The following IGFN1 variants were observed in gnomAD, a reference collection of about 807,000 sequenced individuals.
The protein encoded by IGFN1 is immunoglobulin-like and fibronectin type III domain-containing protein 1.
IGFN1 carries 253 observed loss-of-function variants against 289.5 expected under a neutral mutation model. That is an observed-to-expected ratio of 0.87 (90% CI 0.79 to 0.97). The LOEUF (loss-of-function observed/expected upper bound fraction) is 0.97. Among genes scored for constraint, IGFN1 ranks in the 50% least tolerant of loss-of-function variants. The probability of loss-of-function intolerance (pLI) is 0.00; values close to 1 mark genes in which losing one functional copy is unlikely to be tolerated. For synonymous variants in IGFN1, 1,706 were observed against 1,788.5 expected, an observed-to-expected ratio of 0.95 and a Z score of 1.16; for missense variants, 4,470 against 4,686.1, an observed-to-expected ratio of 0.95 and a Z score of 1.35.
rs1418470953 is a variant in IGFN1, at chr1:201,212,362, T to A, written c.7469T>A (p.Val2490Asp). 1 of 1,536,762 alleles carries A rather than the reference T, an allele frequency of 6.5e-7. No homozygotes were observed. Among genetic ancestry groups the A allele is most frequent in the Admixed American group, 2.0e-5 (1 of 50,978 alleles). Reference protein sequence around the residue: ...EAAGAKGKPDVKEWQDSSGTP... With the variant: ...EAAGAKGKPDDKEWQDSSGTP... Reference sequence around the variant, plus strand: ...GCTGGTGCCAAGGGAAAACCAGATGTCAAAGAATGGCAAGACAGTTCTGGG... The same window carrying A: ...GCTGGTGCCAAGGGAAAACCAGATGACAAAGAATGGCAAGACAGTTCTGGG... The change falls in exon 12 of 24, where the codon GTC (valine) becomes GAC (aspartate). Residue 2490 changes from valine (V) to aspartate (D), a missense_variant. Val to Asp is a radical substitution (Grantham distance 152). Transcript: ENST00000335211.
chr1:201,194,133 C>A, intron 2 of IGFN1, 21 bp from the exon 3 acceptor site: 1 of 1,550,772 alleles, frequency 6.4e-7, no homozygotes, highest in Non-Finnish European at 8.7e-7. Context: ...GCCCCATCTC[C>A]TTCCCTCCTG....
At chr1:201,222,860 G>C in intron 20 of IGFN1, 33 bp downstream of exon 20, 1 of 1,492,788 alleles carries the variant, frequency 6.7e-7, no homozygotes. Flanking sequence ...GGGGAGGGAA[G>C]CCCAGAGAGG....
Position 201,208,277 on chromosome 1 carries a change from A to T in IGFN1, c.3384A>T (p.Arg1128Ser), listed in dbSNP as rs1234177290. 4 of 1,535,484 alleles carry T rather than the reference A, an allele frequency of 2.6e-6. No homozygotes were observed. Among genetic ancestry groups the T allele is most frequent in the Non-Finnish European group, 3.5e-6 (4 of 1,146,556 alleles). ...WGQTGNYGGF[R>S]ASEALGAFGE... ...AGACTGGAAATTATGGGGGCTTCAG[A>T]GCCTCAGAGGCCCTGGGGGCCTTTG... The change falls in exon 12 of 24, where the codon AGA (arginine) becomes AGT (serine). Residue 1128 changes from arginine (R) to serine (S), a missense_variant. This residue lies in a region of IGFN1 where 2,011 missense variants were observed against 1,953.4 expected (regional missense o/e 1.03). Transcript: ENST00000335211.
chr1:201,210,681 T>C lies in IGFN1; in HGVS notation c.5788T>C (p.Leu1930=), dbSNP rs753453506. ...SVNEAGYRKD[L]GAPEGMGSGS... ...GAATGAGGCAGGTTATAGGAAGGAT[T>C]TGGGGGCTCCTGAGGGAATGGGTTC... Residue 1930 remains leucine, a synonymous_variant, in exon 12 of 24, where the codon TTG becomes CTG. Transcript: ENST00000335211. 6.6e-7 allele frequency: 1 copy of C among 1,521,404 alleles called. No homozygotes were observed. The highest frequency in any genetic ancestry group is 8.8e-7 in the Non-Finnish European group (1 of 1,142,172). The allele number at this position is 1,521,404 out of a possible 1,614,324, so 94.2% of individuals were successfully genotyped here. A position where few individuals can be genotyped will look rare whatever the true frequency, so the allele number is the denominator to read the frequency against.
Position 201,210,516 on chromosome 1 carries a change from G to A in IGFN1, c.5623G>A (p.Ala1875Thr). ...AGGGAGCAAGGCAGATTTTAGGGATGCTTTAGGGAGTTCTGGGGAAATGGG... is the reference window on the plus strand; with the variant it reads ...AGGGAGCAAGGCAGATTTTAGGGATACTTTAGGGAGTTCTGGGGAAATGGG... ...GSGSKADFRD[A>T]LGSSGEMGSM... The change falls in exon 12 of 24, where the codon GCT (alanine) becomes ACT (threonine). Residue 1875 changes from alanine to threonine, a missense_variant. Physicochemically the swap from Ala to Thr is moderately conservative, Grantham distance 58. Coordinates refer to ENST00000335211, the MANE Select transcript of IGFN1 (RefSeq NM_001164586.2). The A allele has an allele frequency of 7.2e-7, 1 of 1,386,988 alleles. No homozygotes were observed. The highest frequency in any genetic ancestry group is 9.4e-7 in the Non-Finnish European group (1 of 1,059,450). 85.9% of individuals were successfully genotyped at this position (1,386,988 alleles called of 1,614,324 possible). A position where few individuals can be genotyped will look rare whatever the true frequency, so the allele number is the denominator to read the frequency against.
rs1317349621 is a variant in IGFN1, at chr1:201,207,026, C to T, written c.2133C>T (p.Tyr711=). Residue 711 remains tyrosine (Y), a synonymous_variant, in exon 12 of 24, where the codon TAC becomes TAT. Coordinates refer to ENST00000335211, the MANE Select transcript of IGFN1 (RefSeq NM_001164586.2). Reference sequence around the variant, plus strand: ...CTGACTATGGGGAAGCCAGGGGCTACTGGGGGTCAGGAGAGTTGCTAGAAC... The same window carrying T: ...CTGACTATGGGGAAGCCAGGGGCTATTGGGGGTCAGGAGAGTTGCTAGAAC... ...RDADYGEARG[Y]WGSGELLEQI... 9 of 1,536,590 alleles carry T rather than the reference C, an allele frequency of 5.9e-6. No homozygotes were observed. The highest frequency in any genetic ancestry group is 2.7e-5 in the African/African-American group (2 of 72,980).
In IGFN1 at chr1:201,215,768, TGGCC is replaced by T. The variant is rs1558154076; in HGVS notation, c.9226_9229del (p.Gly3076SerfsTer4). ...TCCCCAGCGCAGGCAGGAAGGACTG[TGGCC>T]AGTACAGCGTGACACTGAGGAGTGA... On this transcript the variant is annotated frameshift_variant, in exon 15 of 24. Coordinates refer to ENST00000335211, the MANE Select transcript of IGFN1 (RefSeq NM_001164586.2). LOFTEE classifies it high-confidence loss of function. 1 of 1,605,082 alleles carries T rather than the reference TGGCC, an allele frequency of 6.2e-7. No individual in the cohort carries two copies. Among genetic ancestry groups the T allele is most frequent in the Non-Finnish European group, 8.5e-7 (1 of 1,174,934 alleles).
rs1667837989 is a variant in IGFN1, at chr1:201,212,000, C to T, written c.7107C>T (p.Gly2369=). The T allele has an allele frequency of 4.6e-6, 7 of 1,535,888 alleles. No homozygotes were observed. Among genetic ancestry groups the T allele is most frequent in the Middle Eastern group, 1.7e-4 (1 of 5,984 alleles). The part of the protein sequence containing the change: ...GDGSGRLGVP[G]SLAGIGHEAG... ...GTTCAGGGAGGCTTGGAGTACCAGG[C>T]TCACTGGCTGGAATAGGACATGAGG... Residue 2369 remains glycine (G), a synonymous_variant, in exon 12 of 24, where the codon GGC becomes GGT. Coordinates refer to ENST00000335211, the MANE Select transcript of IGFN1 (RefSeq NM_001164586.2).
chr1:201,222,368 C>T (rs145367407), intron 19 of IGFN1: 6 of 173,862 alleles, frequency 3.5e-5, no homozygotes, highest in African/African-American at 9.4e-5. Context: ...GGCTCTCTCC[C>T]GAACAAGGTG....
chr1:201,204,965 G>A, intron 10 of IGFN1, 117 bp from the exon 11 acceptor site: 1 of 1,008,080 alleles, frequency 9.9e-7, no homozygotes. Flanking sequence ...AAGGTAACAT[G>A]GGGAGTTTGT....
intron 11 of IGFN1, among the ~76,000 whole-genome samples, chr1:201,205,694 C>A (rs4396148): frequency 0.91 from 138,000 of 152,294 alleles, 62,679 homozygotes; most frequent in East Asian, 1. Context: ...ATTTGCGTTC[C>A]AGATGTTCCC....
rs542594068 is a variant in IGFN1 at position 201,207,578 on chromosome 1, C to G, written c.2685C>G (p.Gly895=). 1 of 1,536,842 alleles carries G rather than the reference C, an allele frequency of 6.5e-7. No homozygotes were observed. The highest frequency in any genetic ancestry group is 1.4e-5 in the African/African-American group (1 of 73,062). ...ARSHWLSRAP[G]LGAQGSGGTL... ...GCCACTGGCTAAGTAGGGCTCCAGG[C>G]CTGGGTGCTCAGGGATCTGGGGGGA... Residue 895 remains glycine (G), a synonymous_variant, in exon 12 of 24, where the codon GGC becomes GGG. Coordinates refer to ENST00000335211, the MANE Select transcript of IGFN1 (RefSeq NM_001164586.2).
At chr1:201,195,743 T>A in intron 3 of IGFN1, 96 bp from the exon 4 acceptor site, 1 of 1,321,830 alleles carries the variant, frequency 7.6e-7, no homozygotes, top group Non-Finnish European at 1.0e-6. Flanking sequence ...TTGAAATACC[T>A]AGATGAGGAA....
chr1:201,218,418 G>A (rs1478066815), intron 17 of IGFN1, 112 bp from the exon 18 acceptor site: 11 of 974,836 alleles, frequency 1.1e-5, no homozygotes, highest in Non-Finnish European at 1.4e-5. Context: ...GATGTAGGGA[G>A]GGATGTGTTA....
Position 201,208,948 on chromosome 1 carries a change from C to T in IGFN1, c.4055C>T (p.Ala1352Val), listed in dbSNP as rs188390200. The T allele has an allele frequency of 1.1e-4, 167 of 1,529,880 alleles. No individual in the cohort carries two copies. The highest frequency in any genetic ancestry group is 6.5e-4 in the African/African-American group (46 of 70,626). The allele number at this position is 1,529,880 out of a possible 1,614,324, so 94.8% of individuals were successfully genotyped here. A position where few individuals can be genotyped will look rare whatever the true frequency, so the allele number is the denominator to read the frequency against. The change falls in exon 12 of 24, where the codon GCG becomes GTG. Residue 1352 changes from alanine to valine, a missense_variant. Ala to Val is a moderately conservative substitution (Grantham distance 64). Around this residue, in one of 8 missense-constraint regions of IGFN1, gnomAD observed 2,011 missense variants for 1,953.4 expected, o/e 1.03. Transcript: ENST00000335211. Reference sequence around the variant, plus strand: ...GGTGGTTTACAGGATTCCAGGGAAGCGGGTTCAGGGAGCAAGGCAGATTAT... The same window carrying T: ...GGTGGTTTACAGGATTCCAGGGAAGTGGGTTCAGGGAGCAAGGCAGATTAT... ...YRGGLQDSRE[A>V]GSGSKADYSG...
At chr1:201,201,147 A>C (rs758470010) in intron 8 of IGFN1, among the ~76,000 whole-genome samples, 1 of 152,068 alleles carries the variant, frequency 6.6e-6, no homozygotes, top group Non-Finnish European at 1.5e-5. Flanking sequence ...TTTACTTCTA[A>C]AGGCTTTCAT....
In IGFN1 at chr1:201,217,403, G is replaced by A. The variant is rs1303637687; in HGVS notation, c.9712G>A (p.Glu3238Lys). 8.7e-6 allele frequency: 14 copies of A among 1,614,062 alleles called. No individual in the cohort carries two copies. The highest frequency in any genetic ancestry group is 8.0e-5 in the African/African-American group (6 of 74,920). ...GSAHILGYLI[E>K]RRKKGSNTWT... ...CGCCCACATCCTGGGCTACCTGATCGAGAGGCGTAAGAAGGGGAGCAACAC... is the reference window on the plus strand; with the variant it reads ...CGCCCACATCCTGGGCTACCTGATCAAGAGGCGTAAGAAGGGGAGCAACAC... Residue 3238 changes from glutamate to lysine, a missense_variant, in exon 17 of 24, where the codon GAG becomes AAG. Coordinates refer to ENST00000335211, the MANE Select transcript of IGFN1 (RefSeq NM_001164586.2).
Position 201,215,553 on chromosome 1 carries a change from G to T in IGFN1, c.9010G>T (p.Ala3004Ser), listed in dbSNP as rs766607576. The change falls in exon 15 of 24, where the codon GCT (alanine) becomes TCT (serine). Residue 3004 changes from alanine to serine, a missense_variant. Physicochemically the swap from Ala to Ser is moderately conservative, Grantham distance 99. Transcript: ENST00000335211. ...TTTATTTCTAGATTCCCCTACCATT[G>T]CTCCAGATGTGACAGAGAAACTGAG... ...TLTVQDSPTI[A>S]PDVTEKLREP... 1.9e-6 allele frequency: 3 copies of T among 1,576,898 alleles called. No individual in the cohort carries two copies. The South Asian group carries it at 3.5e-5, about 18-fold the overall frequency.
Position 201,213,216 on chromosome 1 carries a change from C to T in IGFN1, c.8323C>T (p.Leu2775Phe). 1 of 1,551,622 alleles carries T rather than the reference C, an allele frequency of 6.4e-7. No individual in the cohort carries two copies. Among genetic ancestry groups the T allele is most frequent in the Non-Finnish European group, 8.7e-7 (1 of 1,146,958 alleles). The change falls in exon 12 of 24, where the codon CTC becomes TTC. Residue 2775 changes from leucine to phenylalanine, a missense_variant. Coordinates refer to ENST00000335211, the MANE Select transcript of IGFN1 (RefSeq NM_001164586.2). ...GGGACAGAGAGGAGGAAAGAGGTCC[C>T]TCGGGGAGCAGGGGTCCCTGGAGGC... ...GKGQRGGKRS[L>F]GEQGSLEAEN...
Sources: allele counts gnomAD v4.1 joint callset (sites outside exome capture counted in the v4.1 genomes callset), GRCh38; gene constraint gnomAD v4.1.1; regional missense constraint gnomAD v4.1.1; transcripts MANE v1.5; gene names NCBI Gene and HGNC (gene_info 2026-07-23, HGNC 2026-07-21).